The following OPRM1 variants were observed in gnomAD, a reference collection of about 807,000 sequenced individuals.
OPRM1 encodes the protein mu-type opioid receptor.
OPRM1 carries 27 observed loss-of-function variants against 31.8 expected under a neutral mutation model. The ratio of observed to expected loss-of-function variants is 0.85; its 90% CI spans 0.63 to 1.17. The LOEUF (loss-of-function observed/expected upper bound fraction) is 1.17. Ranked by LOEUF, OPRM1 falls within the 50% of genes most tolerant of loss-of-function variation. The pLI is 0.00. For synonymous variants in OPRM1, 196 were observed against 189.9 expected (o/e 1.03, Z -0.26); for missense variants, 536 against 511.1 (o/e 1.05, Z -0.47).
chr6:154,030,543 C>A (rs1387224589), intron 1 of OPRM1, among the ~76,000 whole-genome samples: 2 of 151,816 alleles, frequency 1.3e-5, no homozygotes, highest in East Asian at 3.9e-4. Context: ...TAAAAAAAAA[C>A]AGAGTAATAG....
At chr6:154,180,770 A>T (rs1330000091) in intron 3 of OPRM1, among the ~76,000 whole-genome samples, 2 of 152,202 alleles carry the variant, frequency 1.3e-5, no homozygotes. Flanking sequence ...CAGGAGGGGA[A>T]TTCATATGCC....
At chr6:154,144,133 T>C (rs928643433) in intron 3 of OPRM1, among the ~76,000 whole-genome samples, 19 of 152,308 alleles carry the variant, frequency 1.2e-4, no homozygotes, top group African/African-American at 4.6e-4. Flanking sequence ...ATGAAACAGA[T>C]AATTTCAATA....
rs1445051835 is a variant in OPRM1 at position 154,129,206 on chromosome 6, G to T, written c.*10485G>T. ...CGTGATTGATTTGAGCAAGCAAGGG[G>T]TATGTGACAGGGGCTGCATGCACCG... is the stretch of plus-strand genomic sequence containing the variant. On this transcript the variant is annotated 3_prime_UTR_variant, in exon 4 of 4. Transcript: ENST00000330432. Among the ~76,000 whole-genome samples, 4 of 152,216 alleles carry T rather than the reference G, an allele frequency of 2.6e-5. No individual in the cohort carries two copies. Among genetic ancestry groups the T allele is most frequent in the Non-Finnish European group, 4.4e-5 (3 of 68,038 alleles).
At chr6:154,171,471 C>T (rs1271182172) in intron 3 of OPRM1, among the ~76,000 whole-genome samples, 1 of 151,766 alleles carries the variant, frequency 6.6e-6, no homozygotes, top group Non-Finnish European at 1.5e-5. Context: ...TGGGAGGGGA[C>T]AAGCAGGAGT....
At chr6:154,018,134 G>T (rs1267951529) in intron 1 of OPRM1, among the ~76,000 whole-genome samples, 1 of 152,048 alleles carries the variant, frequency 6.6e-6, no homozygotes, top group Non-Finnish European at 1.5e-5. Context: ...ATATATTCTT[G>T]GGGACCAGGC....
At chr6:154,149,990 A>G (rs1370354822) in intron 3 of OPRM1, among the ~76,000 whole-genome samples, 2 of 152,198 alleles carry the variant, frequency 1.3e-5, no homozygotes, top group East Asian at 3.8e-4. Context: ...AGCACGTCCC[A>G]ATTGCTTTGG....
At chr6:154,071,621 A>G (rs1404882933) in intron 1 of OPRM1, among the ~76,000 whole-genome samples, 2 of 152,216 alleles carry the variant, frequency 1.3e-5, no homozygotes, top group African/African-American at 2.4e-5. Context: ...ATTTCAGTTT[A>G]TATTTGGTGA....
chr6:154,183,619 G>C (rs886539713), intron 3 of OPRM1, among the ~76,000 whole-genome samples: 40 of 152,118 alleles, frequency 2.6e-4, no homozygotes, highest in African/African-American at 9.7e-4. Context: ...AGAAAGATTG[G>C]GCTGGGTGGT....
chr6:154,144,857 A>G (rs1798319845), intron 3 of OPRM1, among the ~76,000 whole-genome samples: 2 of 152,072 alleles, frequency 1.3e-5, no homozygotes, highest in Admixed American at 6.5e-5. Context: ...AACTCACCAT[A>G]TCAATAGTAA....
intron 3 of OPRM1, among the ~76,000 whole-genome samples, chr6:154,109,767 C>CCTCTCTCTCTCT (rs60360261): frequency 7.8e-6 from 1 of 127,476 alleles, no homozygotes; most frequent in Non-Finnish European, 1.6e-5. Context: ...ACTCTCTCTC[C>CCTCTCTCTCTCT]CTCTCTCTCT....
At position 154,120,999 on chromosome 6, in the gene OPRM1, T is replaced by C. The variant is rs889688229; in HGVS notation, c.*2278T>C. Among the ~76,000 whole-genome samples, 11 of 152,196 alleles carry C rather than the reference T, an allele frequency of 7.2e-5. No homozygotes were observed. Among genetic ancestry groups the C allele is most frequent in the African/African-American group, 2.4e-4 (10 of 41,460 alleles). On this transcript the variant is annotated 3_prime_UTR_variant, in exon 4 of 4. Transcript: ENST00000330432. ...TGTCAACGTTTTTCATTCAAAACCA[T>C]TTTTTAACGTAAATTTGCTAGAACC...
chr6:154,138,953 C>T lies in OPRM1; in HGVS notation c.1164+47481C>T, dbSNP rs532760456. ...AAACCAGCCCATCTGATCTTGTGACCCCACCCAGGAACTGACTCAGCGCAA... is the reference window on the plus strand; with the variant it reads ...AAACCAGCCCATCTGATCTTGTGACTCCACCCAGGAACTGACTCAGCGCAA... On this transcript the variant is annotated intron_variant, in intron 3 of 3. Coordinates refer to the OPRM1 transcript ENST00000337049. Among the ~76,000 whole-genome samples, 22 of 152,276 alleles carry T rather than the reference C, an allele frequency of 1.4e-4. No individual in the cohort carries two copies. In the South Asian group the frequency reaches 1.4e-3, roughly 10 times the overall value.
chr6:154,229,346 G>GTTTT (rs34462600), intron 3 of OPRM1, among the ~76,000 whole-genome samples: 5 of 112,676 alleles, frequency 4.4e-5, no homozygotes, highest in Admixed American at 1.0e-4. Flanking sequence ...AAGTTTGCCG[G>GTTTT]TTTTTTTTTT....
upstream of OPRM1, among the ~76,000 whole-genome samples, chr6:154,036,536 A>C (rs1392229616): frequency 6.6e-6 from 1 of 152,044 alleles, no homozygotes; most frequent in African/African-American, 2.4e-5. Flanking sequence ...AGAAAAGGGC[A>C]ATGGGAATGG....
At chr6:154,108,094 C>A in intron 3 of OPRM1, 1 of 629,840 alleles carries the variant, frequency 1.6e-6, no homozygotes, top group South Asian at 2.0e-5. Flanking sequence ...GTTCCCTTTC[C>A]CTGAGCGGCC....
In OPRM1 at chr6:154,128,491, C is replaced by A. The variant is rs897800239; in HGVS notation, c.*9770C>A. Among the ~76,000 whole-genome samples the A allele has an allele frequency of 5.3e-5, 8 of 152,186 alleles. No homozygotes were observed. Among genetic ancestry groups the A allele is most frequent in the Admixed American group, 6.5e-5 (1 of 15,278 alleles). The stretch of plus-strand genomic sequence containing the variant: ...AGAACTGGGACAGTCCGTTGAGGAT[C>A]CTTGTGCCAGGATGTATGTTGCCCC... On this transcript the variant is annotated 3_prime_UTR_variant, in exon 4 of 4. Transcript: ENST00000330432.
intron 3 of OPRM1, chr6:154,108,422 G>A (rs1031243660): frequency 6.3e-6 from 1 of 158,458 alleles, no homozygotes; most frequent in African/African-American, 2.4e-5. Context: ...AATGATCAAG[G>A]AGGCCAGAGA....
chr6:154,198,868 C>A (rs1431367204), intron 3 of OPRM1, among the ~76,000 whole-genome samples: 3 of 152,090 alleles, frequency 2.0e-5, no homozygotes, highest in African/African-American at 2.4e-5. Flanking sequence ...AATGGCACAC[C>A]AAAAATATAC....
intron 3 of OPRM1, among the ~76,000 whole-genome samples, chr6:154,230,988 A>G (rs1163408605): frequency 1.3e-5 from 2 of 152,210 alleles, no homozygotes; most frequent in East Asian, 3.8e-4. Flanking sequence ...CCCAATGACT[A>G]TCTGAATCAG....
Sources: allele counts gnomAD v4.1 joint callset (sites outside exome capture counted in the v4.1 genomes callset), GRCh38; gene constraint gnomAD v4.1.1; transcripts MANE v1.5; gene names NCBI Gene and HGNC (gene_info 2026-07-23, HGNC 2026-07-21).